The following PXDNL variants were observed in gnomAD, a reference collection of about 807,000 sequenced individuals.
PXDNL encodes the protein probable oxidoreductase PXDNL.
In PXDNL, 145 loss-of-function variants were observed where a neutral mutation model predicts 150.8. The observed-to-expected ratio is 0.96, with a 90% CI of 0.84 to 1.10. The LOEUF is 1.10. Ranked by LOEUF, PXDNL falls within the 50% of genes least tolerant of loss-of-function variation. The pLI, the probability that PXDNL is intolerant of heterozygous loss-of-function variation, is 0.00. For missense variants in PXDNL, 2,087 were observed against 1,873.9 expected, an observed-to-expected ratio of 1.11 and a Z score of -2.10; for synonymous variants, 757 against 725.7, an observed-to-expected ratio of 1.04 and a Z score of -0.69.
At chr8:51,781,636 A>C (rs1332351367) in intron 1 of PXDNL, among the ~76,000 whole-genome samples, 2 of 152,144 alleles carry the variant, frequency 1.3e-5, no homozygotes, top group Non-Finnish European at 2.9e-5. Flanking sequence ...CATTCACATA[A>C]AACATGTTTC....
chr8:51,502,546 TA>T (rs1487222662), intron 4 of PXDNL, among the ~76,000 whole-genome samples: 1 of 152,028 alleles, frequency 6.6e-6, no homozygotes, highest in Non-Finnish European at 1.5e-5. Flanking sequence ...ATTCCAGTCA[TA>T]AAACAACCTA....
chr8:51,582,356 G>T (rs1239909287), intron 3 of PXDNL, among the ~76,000 whole-genome samples: 1 of 152,116 alleles, frequency 6.6e-6, no homozygotes, highest in Admixed American at 6.6e-5. Context: ...GAGCCATCTA[G>T]TCTATGGTAT....
chr8:51,546,948 T>G (rs1812372849), intron 4 of PXDNL, among the ~76,000 whole-genome samples: 1 of 152,036 alleles, frequency 6.6e-6, no homozygotes. Context: ...CATAACTCCA[T>G]TGGCCAAAGA....
At chr8:51,370,948 A>C (rs1269401023) in intron 19 of PXDNL, among the ~76,000 whole-genome samples, 1 of 152,180 alleles carries the variant, frequency 6.6e-6, no homozygotes, top group African/African-American at 2.4e-5. Context: ...CCCTGACAAC[A>C]AATCTCTAGT....
chr8:51,499,500 T>C (rs1218058439), intron 5 of PXDNL, among the ~76,000 whole-genome samples, 199 bp downstream of exon 5: 2 of 152,240 alleles, frequency 1.3e-5, no homozygotes, highest in Non-Finnish European at 2.9e-5. Flanking sequence ...TGCCCTGTTT[T>C]TCATTGGCTA....
chr8:51,667,525 C>T (rs1188074760), intron 1 of PXDNL, among the ~76,000 whole-genome samples: 2 of 152,130 alleles, frequency 1.3e-5, no homozygotes, highest in East Asian at 3.8e-4. Context: ...TTTTTCATGG[C>T]TGGTTTACTG....
intron 4 of PXDNL, among the ~76,000 whole-genome samples, chr8:51,550,322 C>T (rs943800604): frequency 3.3e-5 from 5 of 152,002 alleles, no homozygotes; most frequent in Admixed American, 1.3e-4. Flanking sequence ...GGGAATCCTC[C>T]GTAAATCAGT....
intron 5 of PXDNL, among the ~76,000 whole-genome samples, chr8:51,487,142 T>G (rs1434831752): frequency 6.6e-6 from 1 of 152,034 alleles, no homozygotes; most frequent in Non-Finnish European, 1.5e-5. Context: ...CAAAGATGCT[T>G]GATCAAAAAA....
chr8:51,668,250 CTG>C (rs1437171799), intron 1 of PXDNL, among the ~76,000 whole-genome samples: 1 of 137,392 alleles, frequency 7.3e-6, no homozygotes, highest in African/African-American at 2.8e-5. Flanking sequence ...TCTCAGCTCA[CTG>C]CATCCTCTGC....
In PXDNL at chr8:51,415,557, C is replaced by T. The variant is rs187637074; in HGVS notation, c.1796-2299G>A. 3.8e-3 allele frequency among the ~76,000 whole-genome samples: 583 copies of T among 152,266 alleles called. 3 individuals carry two copies. The highest frequency in any genetic ancestry group is 0.034 in the Middle Eastern group (10 of 294). On this transcript the variant is annotated intron_variant, in intron 14 of 22. Transcript: ENST00000356297. Reference sequence around the variant, plus strand: ...CCAATCACCTCCCACCAGGCCCCTCCTCCAACACTGGGGATTACAACTGGA... The same window carrying T: ...CCAATCACCTCCCACCAGGCCCCTCTTCCAACACTGGGGATTACAACTGGA...
At chr8:51,723,049 T>C (rs1816759582) in intron 1 of PXDNL, among the ~76,000 whole-genome samples, 1 of 151,910 alleles carries the variant, frequency 6.6e-6, no homozygotes, top group Admixed American at 6.6e-5. Flanking sequence ...GCCTCAAGAA[T>C]TCATTTCTAT....
intron 21 of PXDNL, among the ~76,000 whole-genome samples, chr8:51,328,294 A>G (rs6992306): frequency 0.032 from 4,810 of 152,324 alleles, 243 homozygotes; most frequent in African/African-American, 0.11. Context: ...TTTCCTATTA[A>G]TTCTAGTTCT....
rs183792930 is a variant in PXDNL at position 51,598,693 on chromosome 8, G to A, written c.237-5995C>T. On this transcript the variant is annotated intron_variant, in intron 2 of 22. Coordinates refer to ENST00000356297, the MANE Select transcript of PXDNL (RefSeq NM_144651.5). ...CTATGTTCATCAGGGATATTGGCCT[G>A]TAGTTTCATTTTTTATTGTATCTTT... Among the ~76,000 whole-genome samples, 31 of 152,120 alleles carry A rather than the reference G, an allele frequency of 2.0e-4. No individual in the cohort carries two copies. In the East Asian group the frequency reaches 4.1e-3, roughly 20 times the overall value.
chr8:51,358,898 G>C (rs2976995), intron 19 of PXDNL, among the ~76,000 whole-genome samples: 1 of 152,144 alleles, frequency 6.6e-6, no homozygotes, highest in African/African-American at 2.4e-5. Context: ...GGGGAACCAC[G>C]CCCAGCCCTG....
intron 8 of PXDNL, among the ~76,000 whole-genome samples, chr8:51,460,084 C>CA (rs913978807): frequency 2.0e-5 from 3 of 150,806 alleles, no homozygotes; most frequent in Admixed American, 1.3e-4. Flanking sequence ...CCTGTCTCTA[C>CA]AAAAAAAATC....
intron 5 of PXDNL, among the ~76,000 whole-genome samples, chr8:51,489,333 T>C (rs1219972992): frequency 6.6e-6 from 1 of 152,204 alleles, no homozygotes; most frequent in Non-Finnish European, 1.5e-5. Context: ...TATGTTTATT[T>C]AGAGACAGGT....
intron 1 of PXDNL, among the ~76,000 whole-genome samples, chr8:51,795,299 T>C (rs889472274): frequency 6.6e-6 from 1 of 152,228 alleles, no homozygotes; most frequent in African/African-American, 2.4e-5. Context: ...GTGGACATGA[T>C]AGATATCTAC....
chr8:51,323,590 TAAG>T (rs1805390610), intron 21 of PXDNL, among the ~76,000 whole-genome samples: 1 of 152,098 alleles, frequency 6.6e-6, no homozygotes, highest in African/African-American at 2.4e-5. Context: ...CACCCTGCTC[TAAG>T]AAGGGAAATA....
chr8:51,335,716 C>CACACACACAT (rs1277408913), intron 21 of PXDNL, among the ~76,000 whole-genome samples: 2 of 151,530 alleles, frequency 1.3e-5, no homozygotes, highest in Non-Finnish European at 2.9e-5. Context: ...CACACACACA[C>CACACACACAT]ACACATCCAT....
Sources: allele counts gnomAD v4.1 joint callset (sites outside exome capture counted in the v4.1 genomes callset), GRCh38; gene constraint gnomAD v4.1.1; transcripts MANE v1.5; gene names NCBI Gene and HGNC (gene_info 2026-07-23, HGNC 2026-07-21).